Variants in PLEKHA7 observed in about 807,000 individuals in gnomAD.
PLEKHA7 encodes the protein pleckstrin homology domain-containing family A member 7.
Under a neutral mutation model 170.0 loss-of-function variants are expected in PLEKHA7, and 104 were observed. The ratio of observed to expected loss-of-function variants is 0.61; its 90% confidence interval spans 0.52 to 0.72. PLEKHA7 has a LOEUF of 0.72. Ranked by LOEUF, PLEKHA7 falls within the 30% of genes least tolerant of loss-of-function variation. The pLI is 0.00. For synonymous variants in PLEKHA7, 648 were observed against 660.8 expected (o/e 0.98, Z 0.30); for missense variants, 1,615 against 1,671.7 (o/e 0.97, Z 0.59).
chr11:16,860,569 T>G (rs1264286164), intron 4 of PLEKHA7, among the ~76,000 whole-genome samples: 1 of 152,220 alleles, frequency 6.6e-6, no homozygotes, highest in Admixed American at 6.5e-5. Flanking sequence ...GCCAGGCACT[T>G]GGCCTGCATT....
At position 16,801,756 on chromosome 11, in the gene PLEKHA7, G is replaced by A; in HGVS notation, c.2219C>T (p.Pro740Leu). 16 of 1,614,146 alleles carry A rather than the reference G, an allele frequency of 9.9e-6. No individual in the cohort carries two copies. Among genetic ancestry groups the A allele is most frequent in the Non-Finnish European group, 1.3e-5 (15 of 1,180,028 alleles). ...GTAGGCAATCTTCTCCAAGTGCTGG[G>A]GCTGGTCTCGGTACTGCTCCATCTG... ...HRQMEQYRDQ[P>L]QHLEKIAYQQ... Residue 740 changes from proline (P) to leucine (L), a missense_variant, in exon 16 of 27, where the codon CCC (proline) becomes CTC (leucine). Physicochemically the swap from Pro to Leu is moderately conservative, Grantham distance 98. Coordinates refer to ENST00000531066, the MANE Select transcript of PLEKHA7 (RefSeq NM_001329630.2).
intron 8 of PLEKHA7, among the ~76,000 whole-genome samples, chr11:16,845,689 G>A (rs1422398806): frequency 6.6e-6 from 1 of 152,164 alleles, no homozygotes; most frequent in Admixed American, 6.5e-5. Context: ...TTAAACTGGG[G>A]AATGATGTGC....
chr11:17,003,975 T>A (rs1864828486), intron 3 of PLEKHA7, among the ~76,000 whole-genome samples: 1 of 152,196 alleles, frequency 6.6e-6, no homozygotes, highest in African/African-American at 2.4e-5. Flanking sequence ...CCAGAGAGGC[T>A]GAAAAGCCAA....
intron 3 of PLEKHA7, among the ~76,000 whole-genome samples, chr11:16,911,961 G>C (rs1255135560): frequency 6.6e-6 from 1 of 152,102 alleles, no homozygotes; most frequent in African/African-American, 2.4e-5. Context: ...ACAGAAATGG[G>C]CACAAGATAC....
Position 16,789,783 on chromosome 11 carries a change from T to C in PLEKHA7, c.3148A>G (p.Thr1050Ala). The change falls in exon 22 of 27, where the codon ACC becomes GCC. Residue 1050 changes from threonine to alanine, a missense_variant. Physicochemically the swap from Thr to Ala is moderately conservative, Grantham distance 58. Coordinates refer to ENST00000531066, the MANE Select transcript of PLEKHA7 (RefSeq NM_001329630.2). The surrounding 1 kb of genome is among the most constrained non-coding windows in gnomAD (Gnocchi z 4.6). ...RGLNAESSKATFPRPKSALER... is the reference protein window; with the variant it reads ...RGLNAESSKAAFPRPKSALER... Reference sequence around the variant, plus strand: ...AGCTCAAGGCCACTCACAGGGAAGGTCGCCTTGCTGCTTTCGGCATTGAGA... The same window carrying C: ...AGCTCAAGGCCACTCACAGGGAAGGCCGCCTTGCTGCTTTCGGCATTGAGA... The C allele has an allele frequency of 6.2e-7, 1 of 1,613,602 alleles. No individual in the cohort carries two copies. The highest frequency in any genetic ancestry group is 8.5e-7 in the Non-Finnish European group (1 of 1,179,632).
At chr11:16,935,008 A>C (rs1860190100) in intron 3 of PLEKHA7, among the ~76,000 whole-genome samples, 1 of 152,154 alleles carries the variant, frequency 6.6e-6, no homozygotes, top group Non-Finnish European at 1.5e-5. Flanking sequence ...TGAATGGGCG[A>C]TTTTCTGGCT....
At chr11:16,927,833 T>G (rs1263931950) in intron 3 of PLEKHA7, among the ~76,000 whole-genome samples, 2 of 152,234 alleles carry the variant, frequency 1.3e-5, no homozygotes, top group Non-Finnish European at 2.9e-5. Flanking sequence ...AGCAAGTAAT[T>G]GGAAATGATC....
chr11:16,782,161 ACACACACACACC>A (rs1441102929), intron 26 of PLEKHA7, among the ~76,000 whole-genome samples: 1 of 77,134 alleles, frequency 1.3e-5, no homozygotes, highest in Non-Finnish European at 3.1e-5. Context: ...AGACACACGG[ACACACACACACC>A]CACACACACA....
At chr11:16,783,942 A>G in intron 24 of PLEKHA7, 109 bp from the exon 25 acceptor site, 1 of 1,151,388 alleles carries the variant, frequency 8.7e-7, no homozygotes, top group Non-Finnish European at 1.1e-6. Flanking sequence ...CAGAGTCCAC[A>G]GAGACTAAGT....
At chr11:16,799,186 T>C (rs561095617) in intron 17 of PLEKHA7, among the ~76,000 whole-genome samples, 1 of 152,350 alleles carries the variant, frequency 6.6e-6, no homozygotes, top group East Asian at 1.9e-4. Context: ...TTGGATTAAC[T>C]GTCCTGGAAA....
intron 10 of PLEKHA7, among the ~76,000 whole-genome samples, chr11:16,823,941 C>G (rs896314591): frequency 6.6e-6 from 1 of 152,164 alleles, no homozygotes; most frequent in Non-Finnish European, 1.5e-5. Flanking sequence ...AGAATGAAAT[C>G]CTGTCATTTG....
At chr11:16,886,364 C>T (rs751568625) in intron 3 of PLEKHA7, among the ~76,000 whole-genome samples, 4 of 152,126 alleles carry the variant, frequency 2.6e-5, no homozygotes, top group Non-Finnish European at 4.4e-5. Context: ...CAAAAAGTTG[C>T]CACCATTTAA....
At chr11:16,960,146 C>T (rs912876079) in intron 3 of PLEKHA7, among the ~76,000 whole-genome samples, 2 of 152,208 alleles carry the variant, frequency 1.3e-5, no homozygotes, top group African/African-American at 2.4e-5. Context: ...CTTTAGGCCA[C>T]GTTCCTTTCA....
Position 16,817,266 on chromosome 11 carries a change from G to A in PLEKHA7, c.1400C>T (p.Pro467Leu). Residue 467 changes from proline to leucine, a missense_variant, in exon 11 of 27, where the codon CCA becomes CTA. Pro to Leu is a moderately conservative substitution (Grantham distance 98). Coordinates refer to ENST00000531066, the MANE Select transcript of PLEKHA7 (RefSeq NM_001329630.2). The surrounding 1 kb of genome is among the most constrained non-coding windows in gnomAD (Gnocchi z 4.4). ...RQGPGQSLSF[P>L]ENYQTLPKST... ...CTTGGGAAGAGTCTGGTAGTTTTCT[G>A]GGAAGGACAGGGATTGGCCAGGACC... 1 of 1,613,486 alleles carries A rather than the reference G, an allele frequency of 6.2e-7. No homozygotes were observed. Among genetic ancestry groups the A allele is most frequent in the Non-Finnish European group, 8.5e-7 (1 of 1,180,012 alleles).
intron 23 of PLEKHA7, chr11:16,788,617 G>C (rs911649538): frequency 5.5e-6 from 1 of 182,692 alleles, no homozygotes; most frequent in African/African-American, 2.4e-5. Flanking sequence ...CCTCTGCACT[G>C]CAAGCCCAGG....
intron 4 of PLEKHA7, among the ~76,000 whole-genome samples, chr11:16,862,250 A>G (rs1263121677): frequency 6.6e-6 from 1 of 152,172 alleles, no homozygotes; most frequent in Non-Finnish European, 1.5e-5. Flanking sequence ...CTCACTTGGC[A>G]TGAAAATAAC....
intron 3 of PLEKHA7, among the ~76,000 whole-genome samples, chr11:16,941,529 C>T (rs890683486): frequency 6.6e-6 from 1 of 152,232 alleles, no homozygotes; most frequent in Non-Finnish European, 1.5e-5. Flanking sequence ...ATTTCTAGAA[C>T]TAGAAGCAAT....
chr11:16,930,922 G>A (rs753879039), intron 3 of PLEKHA7, among the ~76,000 whole-genome samples: 2 of 152,106 alleles, frequency 1.3e-5, no homozygotes, highest in Non-Finnish European at 2.9e-5. Flanking sequence ...ACAGAAATGA[G>A]GCTCCCTGCC....
chr11:16,794,356 G>A (rs1848064023), intron 19 of PLEKHA7, 132 bp downstream of exon 19: 1 of 841,486 alleles, frequency 1.2e-6, no homozygotes, highest in Non-Finnish European at 2.0e-6. Flanking sequence ...AACTGCTTGT[G>A]ACTAAGGACT....
Sources: allele counts gnomAD v4.1 joint callset (sites outside exome capture counted in the v4.1 genomes callset), GRCh38; gene constraint gnomAD v4.1.1; non-coding constraint Gnocchi (gnomAD v3.1); transcripts MANE v1.5; gene names NCBI Gene and HGNC (gene_info 2026-07-23, HGNC 2026-07-21).